CYTH4: variants seen among roughly 807,000 people sequenced by gnomAD.
CYTH4 encodes cytohesin 4, also known as cytohesin-4.
Under a neutral mutation model 57.5 loss-of-function variants are expected in CYTH4, and 22 were observed. The observed-to-expected ratio is 0.38, with a 90% CI of 0.27 to 0.55. The LOEUF (loss-of-function observed/expected upper bound fraction) is 0.55, where lower values mean the gene tolerates loss of function less well. Ranked by LOEUF, CYTH4 falls within the 20% of genes least tolerant of loss-of-function variation. The pLI is 0.74. For synonymous variants in CYTH4, 186 were observed against 206.5 expected, an observed-to-expected ratio of 0.90 and a Z score of 0.85; for missense variants, 420 against 535.6, an observed-to-expected ratio of 0.78 and a Z score of 2.13.
In CYTH4 at chr22:37,309,209, C is replaced by A. The variant is rs769921197; in HGVS notation, c.697-3C>A. The A allele has an allele frequency of 1.1e-5, 17 of 1,613,756 alleles. No homozygotes were observed. The South Asian group carries it at 1.9e-4, about 18-fold the overall frequency. On this transcript the variant is annotated splice_polypyrimidine_tract_variant and splice_region_variant and intron_variant, in intron 8 of 12. Transcript: ENST00000248901. ...GGTCTTTCTCTCCCTTGTCTTGGGG[C>A]AGAACCTCTTCGACAGCATCAAGAG...
At chr22:37,300,276 G>C in intron 6 of CYTH4, 1 of 714,926 alleles carries the variant, frequency 1.4e-6, no homozygotes, top group Non-Finnish European at 2.6e-6. Flanking sequence ...AGAGGGGTAG[G>C]TGACTTGGGA....
chr22:37,292,587 C>T, intron 1 of CYTH4, 34 bp from the exon 2 acceptor site: 1 of 1,609,878 alleles, frequency 6.2e-7, no homozygotes, highest in Non-Finnish European at 8.5e-7. Flanking sequence ...TGGCTGGAGC[C>T]AAGTGATGGG....
At chr22:37,292,254 TTAAC>T in intron 1 of CYTH4, 1 of 211,254 alleles carries the variant, frequency 4.7e-6, no homozygotes, top group Non-Finnish European at 9.5e-6. Context: ...CAGCGAGTGT[TTAAC>T]TGAGTGCTTA....
chr22:37,308,433 C>T (rs1288217499), intron 8 of CYTH4, among the ~76,000 whole-genome samples: 9 of 151,496 alleles, frequency 5.9e-5, no homozygotes, highest in Non-Finnish European at 1.2e-4. Context: ...TGCACGCAAG[C>T]GTGCATGTGT....
At chr22:37,302,648 TG>T (rs1400505977) in intron 7 of CYTH4, among the ~76,000 whole-genome samples, 4 of 152,198 alleles carry the variant, frequency 2.6e-5, no homozygotes, top group African/African-American at 9.7e-5. Flanking sequence ...GAGTTGAAGA[TG>T]CAGCTGAACT....
At position 37,312,082 on chromosome 22, in the gene CYTH4, T is replaced by A; in HGVS notation, c.1020T>A (p.Asp340Glu). ...AGAAAATCAAGGCCTGCAAGACCGA[T>A]GGCGACGGCAGGGTGGTGGAGGGCA... ...RGQKIKACKTDGDGRVVEGKH... is the reference protein window; with the variant it reads ...RGQKIKACKTEGDGRVVEGKH... Residue 340 changes from aspartate to glutamate, a missense_variant, in exon 12 of 13, where the codon GAT (aspartate) becomes GAA (glutamate). Asp to Glu is a conservative substitution (Grantham distance 45). Coordinates refer to ENST00000248901, the MANE Select transcript of CYTH4 (RefSeq NM_013385.5). 1 of 1,614,154 alleles carries A rather than the reference T, an allele frequency of 6.2e-7. No individual in the cohort carries two copies. The highest frequency in any genetic ancestry group is 8.5e-7 in the Non-Finnish European group (1 of 1,180,012).
chr22:37,307,023 G>A (rs1014634263), intron 8 of CYTH4, among the ~76,000 whole-genome samples: 1 of 152,226 alleles, frequency 6.6e-6, no homozygotes, highest in Non-Finnish European at 1.5e-5. Flanking sequence ...GAACACAGAG[G>A]AGCAGAAACT....
intron 8 of CYTH4, among the ~76,000 whole-genome samples, chr22:37,306,856 A>T (rs1293760450): frequency 1.3e-5 from 2 of 152,222 alleles, no homozygotes; most frequent in Non-Finnish European, 2.9e-5. Context: ...AAGTCCCAGG[A>T]TTAATGCTTA....
At chr22:37,289,289 A>G (rs909775254) in intron 1 of CYTH4, among the ~76,000 whole-genome samples, 2 of 152,132 alleles carry the variant, frequency 1.3e-5, no homozygotes, top group Non-Finnish European at 2.9e-5. Flanking sequence ...ACTGCCCATG[A>G]TGCATGGATA....
intron 8 of CYTH4, among the ~76,000 whole-genome samples, chr22:37,308,967 A>G (rs1929531087): frequency 6.6e-6 from 1 of 150,714 alleles, no homozygotes; most frequent in African/African-American, 2.4e-5. Context: ...GCAGTAGCAC[A>G]GAGGGAAGCA....
chr22:37,309,166 C>T (rs370823727), intron 8 of CYTH4, 46 bp from the exon 9 acceptor site: 22 of 1,582,098 alleles, frequency 1.4e-5, no homozygotes, highest in South Asian at 3.3e-5. Flanking sequence ...GCCTTGGACT[C>T]GGGTGGACTC....
chr22:37,289,233 A>G (rs1451267822), intron 1 of CYTH4, among the ~76,000 whole-genome samples: 1 of 152,142 alleles, frequency 6.6e-6, no homozygotes, highest in East Asian at 1.9e-4. Context: ...TGATCTTCCC[A>G]TCTTCCTTCT....
Position 37,298,654 on chromosome 22 carries a change from T to G in CYTH4, c.354-572T>G, listed in dbSNP as rs2145862181. 6.6e-6 allele frequency among the ~76,000 whole-genome samples: 1 copy of G among 151,868 alleles called. No individual in the cohort carries two copies. The highest frequency in any genetic ancestry group is 2.4e-5 in the African/African-American group (1 of 41,388). ...TATTGTGGGCGAGGAGGTGGGGATC[T>G]GTGGGAGCGCTCTGGGCAAAGGACT... On this transcript the variant is annotated intron_variant, in intron 5 of 12. Transcript: ENST00000248901. This position sits in a 1 kb window ranked among gnomAD's most constrained non-coding sequence, Gnocchi z 4.1.
intron 1 of CYTH4, among the ~76,000 whole-genome samples, chr22:37,286,049 T>C (rs1410044613): frequency 6.6e-6 from 1 of 152,142 alleles, no homozygotes; most frequent in Non-Finnish European, 1.5e-5. Context: ...GCAATCCCAC[T>C]CCCCTGGGAA....
At position 37,298,752 on chromosome 22, in the gene CYTH4, A is replaced by G. The variant is rs1929069357; in HGVS notation, c.354-474A>G. ...TCAACAGCCCTCTCCCCAGCTCCCA[A>G]GGACACCCCTCCCTCCCGCGGTGAG... On this transcript the variant is annotated intron_variant, in intron 5 of 12. Coordinates refer to ENST00000248901, the MANE Select transcript of CYTH4 (RefSeq NM_013385.5). The surrounding 1 kb of genome is among the most constrained non-coding windows in gnomAD (Gnocchi z 4.1). 6.6e-6 allele frequency among the ~76,000 whole-genome samples: 1 copy of G among 152,110 alleles called. No individual in the cohort carries two copies. The highest frequency in any genetic ancestry group is 2.1e-4 in the South Asian group (1 of 4,826).
At position 37,313,686 on chromosome 22, in the gene CYTH4, G is replaced by A. The variant is rs1929735574; in HGVS notation, c.*175G>A. The A allele has an allele frequency of 4.7e-6, 3 of 639,560 alleles. No homozygotes were observed. Among genetic ancestry groups the A allele is most frequent in the Non-Finnish European group, 8.2e-6 (3 of 367,298 alleles). 39.6% of individuals were successfully genotyped at this position (639,560 alleles called of 1,614,324 possible). A position where few individuals can be genotyped will look rare whatever the true frequency, so the allele number is the denominator to read the frequency against. On this transcript the variant is annotated 3_prime_UTR_variant, in exon 13 of 13. Coordinates refer to ENST00000248901, the MANE Select transcript of CYTH4 (RefSeq NM_013385.5). ...GCAGAGCTCAGGAGGGTGGGTGGGA[G>A]CTGCAGTGGGCTCAGAGTCCAGCAA...
chr22:37,310,918 C>T (rs1478810937), intron 9 of CYTH4, 70 bp from the exon 10 acceptor site: 2 of 1,552,252 alleles, frequency 1.3e-6, no homozygotes, highest in Non-Finnish European at 1.8e-6. Flanking sequence ...CGAGGACCTG[C>T]CCTTCCCTGG....
In CYTH4 at chr22:37,312,125, A is replaced by T; in HGVS notation, c.1063A>T (p.Ile355Phe). Residue 355 changes from isoleucine (I) to phenylalanine (F), a missense_variant, in exon 12 of 13, where the codon ATC (isoleucine) becomes TTC (phenylalanine). By Grantham distance (21) the Ile-to-Phe change is conservative. Transcript: ENST00000248901. ...GGAGGGCAAGCACGAATCGTACCGC[A>T]TCTCAGCCACCAGTGCCGAGGAACG... Reference protein sequence around the residue: ...VVEGKHESYRISATSAEERDQ... With the variant: ...VVEGKHESYRFSATSAEERDQ... 1 of 1,614,238 alleles carries T rather than the reference A, an allele frequency of 6.2e-7. No individual in the cohort carries two copies.
Position 37,313,608 on chromosome 22 carries a change from C to A in CYTH4, c.*97C>A. On this transcript the variant is annotated 3_prime_UTR_variant, in exon 13 of 13. Transcript: ENST00000248901. Reference sequence around the variant, plus strand: ...TCCCACCCCAGTGCACTCTTTTGGGCCACAGACATCATTGCTGTTCCCCGT... The same window carrying A: ...TCCCACCCCAGTGCACTCTTTTGGGACACAGACATCATTGCTGTTCCCCGT... 9.1e-7 allele frequency: 1 copy of A among 1,103,642 alleles called. No homozygotes were observed. Among genetic ancestry groups the A allele is most frequent in the Non-Finnish European group, 1.4e-6 (1 of 728,342 alleles). 68.4% of individuals were successfully genotyped at this position (1,103,642 alleles called of 1,614,324 possible).
Sources: allele counts gnomAD v4.1 joint callset (sites outside exome capture counted in the v4.1 genomes callset), GRCh38; gene constraint gnomAD v4.1.1; non-coding constraint Gnocchi (gnomAD v3.1); transcripts MANE v1.5; gene names NCBI Gene and HGNC (gene_info 2026-07-23, HGNC 2026-07-21).